GYPE: variants seen among roughly 807,000 people sequenced by gnomAD.
GYPE encodes the protein glycophorin-E.
Under a neutral mutation model 11.6 loss-of-function variants are expected in GYPE, and 8 were observed. The ratio of observed to expected loss-of-function variants is 0.69; its 90% CI spans 0.41 to 1.25. The LOEUF is 1.25. Ranked by LOEUF, GYPE falls within the 50% of genes most tolerant of loss-of-function variation. The pLI, the probability that GYPE is intolerant of heterozygous loss-of-function variation, is 0.01. For missense variants in GYPE, 90 were observed against 92.8 expected, an observed-to-expected ratio of 0.97 and a Z score of 0.12; for synonymous variants, 28 against 29.6, an observed-to-expected ratio of 0.94 and a Z score of 0.18.
At chr4:143,900,126 G>A (rs1282788462) in intron 1 of GYPE, among the ~76,000 whole-genome samples, 1 of 151,554 alleles carries the variant, frequency 6.6e-6, no homozygotes, top group Non-Finnish European at 1.5e-5. Flanking sequence ...TTTAAAAATG[G>A]GTGAAGGACT....
rs1033719109 is a variant in GYPE, at chr4:143,905,471, C to A, written c.37G>T (p.Gly13Ter). ...ACCAAGATGAAATAAAATCACTTAC[C>A]TGACAATAGTAATACAAAGATTATT... ...GKIIFVLLLS[G>*]IVSISASSTT... The change falls in exon 1 of 4, where the codon GGA becomes TGA. Residue 13 changes from glycine (G) to a stop codon, truncating the protein, a stop_gained and splice_region_variant. Coordinates refer to ENST00000358615, the MANE Select transcript of GYPE (RefSeq NM_198682.3). LOFTEE classifies it high-confidence loss of function. The A allele has an allele frequency of 1.9e-6, 3 of 1,612,882 alleles. No homozygotes were observed. The African/African-American group carries it at 4.0e-5, about 22-fold the overall frequency.
intron 1 of GYPE, among the ~76,000 whole-genome samples, chr4:143,893,797 G>T (rs1364874038): frequency 2.0e-5 from 3 of 151,988 alleles, no homozygotes; most frequent in African/African-American, 4.8e-5. Context: ...TCTTGGAGTT[G>T]CTTTTCTCGA....
intron 3 of GYPE, chr4:143,875,375 C>T: frequency 8.2e-7 from 1 of 1,218,380 alleles, no homozygotes; most frequent in South Asian, 1.3e-5. Flanking sequence ...GGCAGGAGAA[C>T]AGGGAGTTAG....
At chr4:143,899,488 A>C (rs67683223) in intron 1 of GYPE, among the ~76,000 whole-genome samples, 26,818 of 152,156 alleles carry the variant, frequency 0.18, 2,783 homozygotes, top group Middle Eastern at 0.3. Context: ...TAAAATTTCT[A>C]TGAAATTGTT....
At chr4:143,903,895 C>A (rs1744961602) in intron 1 of GYPE, among the ~76,000 whole-genome samples, 1 of 142,410 alleles carries the variant, frequency 7.0e-6, no homozygotes, top group South Asian at 2.3e-4. Flanking sequence ...CTGGGCACAC[C>A]CCCCAGTAGA....
chr4:143,879,125 TC>T, intron 2 of GYPE, among the ~76,000 whole-genome samples: 1 of 152,142 alleles, frequency 6.6e-6, no homozygotes, highest in African/African-American at 2.4e-5. Context: ...ACTGTCTGAA[TC>T]TAAACTGTTA....
At chr4:143,876,428 G>C (rs1355053377) in intron 3 of GYPE, among the ~76,000 whole-genome samples, 4 of 152,080 alleles carry the variant, frequency 2.6e-5, no homozygotes, top group African/African-American at 9.7e-5. Context: ...TTCACTAATA[G>C]GGTAAATACT....
intron 3 of GYPE, among the ~76,000 whole-genome samples, chr4:143,872,579 C>T (rs1394258024): frequency 1.3e-5 from 2 of 151,836 alleles, no homozygotes; most frequent in Non-Finnish European, 2.9e-5. Context: ...AGCTGCTTTG[C>T]GTTGGGTAGG....
intron 1 of GYPE, among the ~76,000 whole-genome samples, chr4:143,882,494 G>A (rs1744078659): frequency 6.6e-6 from 1 of 152,132 alleles, no homozygotes; most frequent in Non-Finnish European, 1.5e-5. Context: ...TACAACCTGA[G>A]TAAAATAGGT....
At chr4:143,898,389 A>T (rs1319473356) in intron 1 of GYPE, among the ~76,000 whole-genome samples, 1 of 152,178 alleles carries the variant, frequency 6.6e-6, no homozygotes, top group Non-Finnish European at 1.5e-5. Context: ...AAATAAATCA[A>T]TAAATACATA....
intron 2 of GYPE, among the ~76,000 whole-genome samples, chr4:143,879,611 A>G (rs973272606): frequency 4.6e-5 from 7 of 152,076 alleles, no homozygotes; most frequent in African/African-American, 1.4e-4. Flanking sequence ...AGAACATATC[A>G]TTTTCCTCTT....
At chr4:143,903,774 A>G (rs1191195004) in intron 1 of GYPE, among the ~76,000 whole-genome samples, 1 of 150,510 alleles carries the variant, frequency 6.6e-6, no homozygotes, top group East Asian at 2.0e-4. Context: ...TAAGGCTTTA[A>G]TTCACTATCT....
At chr4:143,896,547 A>C (rs1435542580) in intron 1 of GYPE, among the ~76,000 whole-genome samples, 5 of 152,194 alleles carry the variant, frequency 3.3e-5, no homozygotes, top group African/African-American at 4.8e-5. Context: ...GAACACTTTT[A>C]CATTGTTGGT....
At chr4:143,872,890 G>GA (rs1385997667) in intron 3 of GYPE, among the ~76,000 whole-genome samples, 3 of 151,626 alleles carry the variant, frequency 2.0e-5, no homozygotes, top group African/African-American at 4.9e-5. Context: ...GGTTGAAGGG[G>GA]GCAGGCCAGG....
intron 1 of GYPE, among the ~76,000 whole-genome samples, chr4:143,896,354 A>T (rs1456364555): frequency 6.6e-6 from 1 of 152,230 alleles, no homozygotes; most frequent in Non-Finnish European, 1.5e-5. Flanking sequence ...AAAGGATATG[A>T]ACAGATACTT....
chr4:143,874,493 T>G (rs561078327), intron 3 of GYPE, among the ~76,000 whole-genome samples: 1 of 152,338 alleles, frequency 6.6e-6, no homozygotes, highest in African/African-American at 2.4e-5. Context: ...ATTCATTTAT[T>G]CAAATGCAGA....
rs59323993 is a variant in GYPE at position 143,894,853 on chromosome 4, C to A, written c.37+10618G>T. The stretch of plus-strand genomic sequence containing the variant: ...TGGGATGCAAGGCTGGTTCAATATA[C>A]GCAAATCAATAAATGTAATCCAGCA... On this transcript the variant is annotated intron_variant, in intron 1 of 3. Transcript: ENST00000358615. 8.4e-3 allele frequency among the ~76,000 whole-genome samples: 1,270 copies of A among 151,908 alleles called. 17 individuals carry two copies. The highest frequency in any genetic ancestry group is 0.029 in the African/African-American group (1,187 of 41,390).
chr4:143,901,485 C>T (rs1264285829), intron 1 of GYPE, among the ~76,000 whole-genome samples: 1 of 151,256 alleles, frequency 6.6e-6, no homozygotes, highest in Non-Finnish European at 1.5e-5. Flanking sequence ...TTTTTTTCAA[C>T]ATTTTTGCTT....
intron 1 of GYPE, among the ~76,000 whole-genome samples, chr4:143,890,705 T>A (rs1744371153): frequency 6.6e-6 from 1 of 152,216 alleles, no homozygotes; most frequent in African/African-American, 2.4e-5. Context: ...AGTGTCACCT[T>A]TATCTATAAA....
Sources: gnomAD v4.1 joint callset for allele counts (sites outside exome capture counted in the v4.1 genomes callset) on GRCh38, gnomAD v4.1.1 for gene constraint, MANE v1.5 for transcripts, NCBI Gene and HGNC (gene_info 2026-07-23, HGNC 2026-07-21) for gene names.